SPATA13: variants seen among roughly 807,000 people sequenced by gnomAD.
The protein encoded by SPATA13 is spermatogenesis-associated protein 13.
In SPATA13, 50 loss-of-function variants were observed where a neutral mutation model predicts 104.0. The ratio of observed to expected loss-of-function variants is 0.48; its 90% confidence interval spans 0.38 to 0.61. The LOEUF is 0.61. Among genes scored for constraint, SPATA13 ranks in the 20% least tolerant of loss-of-function variants. SPATA13 has a pLI of 0.00. For missense variants in SPATA13, 1,524 were observed against 1,690.6 expected, an observed-to-expected ratio of 0.90 and a Z score of 1.73; for synonymous variants, 606 against 667.5, an observed-to-expected ratio of 0.91 and a Z score of 1.42.
At position 24,070,744 on chromosome 13, in the gene SPATA13, G is replaced by A. The variant is rs111703179; in HGVS notation, c.-112+53043G>A. 7.7e-3 allele frequency among the ~76,000 whole-genome samples: 1,179 copies of A among 152,242 alleles called. 23 individuals carry two copies. The highest frequency in any genetic ancestry group is 0.027 in the African/African-American group (1,126 of 41,536). On this transcript the variant is annotated intron_variant, in intron 3 of 14. Coordinates refer to the SPATA13 transcript ENST00000424834. ...AATCAGTTAAAGGCCTCAATAGAAC[G>A]GAAGGCTGACCCTCCCCCAAGTAAT...
chr13:24,276,497 C>A (rs1332808000), intron 4 of SPATA13, among the ~76,000 whole-genome samples: 5 of 152,104 alleles, frequency 3.3e-5, no homozygotes, highest in Non-Finnish European at 7.3e-5. Flanking sequence ...TGCCAAGGAA[C>A]AGGAGAGGAA....
intron 4 of SPATA13, chr13:24,253,196 C>T (rs1873596353): frequency 6.6e-6 from 1 of 152,126 alleles, no homozygotes; most frequent in Non-Finnish European, 1.5e-5. Context: ...GGGACCCTTG[C>T]CTTCTATATG....
intron 3 of SPATA13, chr13:24,123,245 G>C: frequency 6.2e-7 from 1 of 1,601,050 alleles, no homozygotes; most frequent in Admixed American, 1.7e-5. Flanking sequence ...GAAGGGCAAT[G>C]GCAGCTTCCA....
chr13:24,203,808 A>G (rs1303904344), intron 1 of SPATA13, among the ~76,000 whole-genome samples: 1 of 152,208 alleles, frequency 6.6e-6, no homozygotes, highest in African/African-American at 2.4e-5. Flanking sequence ...GGATAAATTT[A>G]CTTTGCAGAC....
intron 1 of SPATA13, among the ~76,000 whole-genome samples, chr13:24,218,719 T>G (rs1206767437): frequency 4.2e-5 from 6 of 143,128 alleles, no homozygotes; most frequent in Non-Finnish European, 9.1e-5. Context: ...TTTTTTTTTT[T>G]GCGATTTTTT....
intron 3 of SPATA13, among the ~76,000 whole-genome samples, chr13:24,150,538 T>G (rs955956472): frequency 2.6e-5 from 4 of 152,206 alleles, no homozygotes; most frequent in Non-Finnish European, 4.4e-5. Context: ...TATAGAGAGA[T>G]AAATATTGAT....
At chr13:24,280,166 G>A (rs772264050) in intron 4 of SPATA13, among the ~76,000 whole-genome samples, 7 of 152,234 alleles carry the variant, frequency 4.6e-5, no homozygotes, top group Admixed American at 2.6e-4. Flanking sequence ...TGCGTACCAC[G>A]ACCCCGGGTA....
intron 3 of SPATA13, among the ~76,000 whole-genome samples, chr13:24,079,802 T>C (rs1396072314): frequency 1.3e-5 from 2 of 152,234 alleles, no homozygotes; most frequent in African/African-American, 2.4e-5. Context: ...TTTTGTACTT[T>C]CTGATTACAT....
intron 3 of SPATA13, among the ~76,000 whole-genome samples, chr13:24,133,896 C>A (rs1035926449): frequency 6.6e-6 from 1 of 152,184 alleles, no homozygotes; most frequent in Non-Finnish European, 1.5e-5. Flanking sequence ...TGACAGCCTG[C>A]GTAGAATCAG....
chr13:24,211,645 T>C (rs1871021078), intron 1 of SPATA13, among the ~76,000 whole-genome samples: 1 of 152,166 alleles, frequency 6.6e-6, no homozygotes, highest in Non-Finnish European at 1.5e-5. Context: ...CTCTCCATGT[T>C]GTCCAGCTGG....
In SPATA13 at chr13:24,303,201, G is replaced by C. The variant is rs1218929007; in HGVS notation, c.*428G>C. 1 of 402,382 alleles carries C rather than the reference G, an allele frequency of 2.5e-6. No homozygotes were observed. Among genetic ancestry groups the C allele is most frequent in the African/African-American group, 2.1e-5 (1 of 48,364 alleles). The allele number at this position is 402,382 out of a possible 1,614,324, so 24.9% of individuals were successfully genotyped here. ...ACTTCTGCATTTGATTTTCAAGGAT[G>C]CCGTCAAGACGGGGTTGACACAATG... On this transcript the variant is annotated 3_prime_UTR_variant, in exon 13 of 13. Transcript: ENST00000382108.
chr13:24,028,728 G>A (rs982785348), intron 3 of SPATA13, among the ~76,000 whole-genome samples: 63 of 152,014 alleles, frequency 4.1e-4, no homozygotes, highest in African/African-American at 1.4e-3. Flanking sequence ...CCGTTCTTAC[G>A]CTTCAAGCTT....
chr13:24,065,358 A>C (rs1405357634), intron 3 of SPATA13, among the ~76,000 whole-genome samples: 2 of 152,092 alleles, frequency 1.3e-5, no homozygotes, highest in Non-Finnish European at 2.9e-5. Flanking sequence ...GAGGCAGAGC[A>C]TGTGTGGGAG....
At chr13:24,284,055 T>C in intron 4 of SPATA13, 80 bp from the exon 5 acceptor site, 8 of 1,480,764 alleles carry the variant, frequency 5.4e-6, no homozygotes, top group Non-Finnish European at 7.4e-6. Flanking sequence ...CTTGGGAGTA[T>C]GTTACCAAAT....
intron 1 of SPATA13, among the ~76,000 whole-genome samples, chr13:24,195,722 GT>G (rs1412354049): frequency 6.6e-6 from 1 of 152,136 alleles, no homozygotes; most frequent in Admixed American, 6.6e-5. Context: ...TTACTGATTT[GT>G]TGATTTCACT....
intron 2 of SPATA13, among the ~76,000 whole-genome samples, chr13:24,015,772 G>T (rs977147449): frequency 2.6e-5 from 4 of 152,078 alleles, no homozygotes; most frequent in African/African-American, 9.7e-5. Flanking sequence ...ACCGTTTCTG[G>T]GGTCTTTCCA....
intron 1 of SPATA13, among the ~76,000 whole-genome samples, chr13:24,196,546 G>A (rs1566145059): frequency 1.3e-5 from 2 of 152,122 alleles, no homozygotes; most frequent in African/African-American, 4.8e-5. Context: ...ACCAGCCTGG[G>A]AAATATAGTG....
At chr13:24,058,316 T>G (rs1878644475) in intron 3 of SPATA13, among the ~76,000 whole-genome samples, 1 of 151,898 alleles carries the variant, frequency 6.6e-6, no homozygotes, top group South Asian at 2.1e-4. Flanking sequence ...CTCACTCACC[T>G]GATTCAGTCA....
intron 3 of SPATA13, among the ~76,000 whole-genome samples, chr13:24,050,927 T>C (rs1878317304): frequency 1.3e-5 from 2 of 152,206 alleles, no homozygotes; most frequent in Non-Finnish European, 2.9e-5. Flanking sequence ...CTCAAAAGAA[T>C]GTGCTATTTG....
Sources: gnomAD v4.1 joint callset for allele counts (sites outside exome capture counted in the v4.1 genomes callset) on GRCh38, gnomAD v4.1.1 for gene constraint, MANE v1.5 for transcripts, NCBI Gene and HGNC (gene_info 2026-07-23, HGNC 2026-07-21) for gene names.